SYNE3: variants seen among roughly 807,000 people sequenced by gnomAD.
The protein encoded by SYNE3 is spectrin repeat containing nuclear envelope family member 3.
A neutral mutation model predicts 111.2 loss-of-function variants in SYNE3; 100 were observed. The ratio of observed to expected loss-of-function variants is 0.90; its 90% CI spans 0.77 to 1.06. The LOEUF (loss-of-function observed/expected upper bound fraction) is 1.06. Ranked by LOEUF, SYNE3 falls within the 50% of genes least tolerant of loss-of-function variation. The pLI is 0.00. For synonymous variants in SYNE3, 547 were observed against 533.9 expected, an observed-to-expected ratio of 1.02 and a Z score of -0.34; for missense variants, 1,160 against 1,240.3, an observed-to-expected ratio of 0.94 and a Z score of 0.97.
chr14:95,510,062 TG>T (rs1266661416), intron 1 of SYNE3, among the ~76,000 whole-genome samples: 1 of 152,214 alleles, frequency 6.6e-6, no homozygotes, highest in Admixed American at 6.5e-5. Flanking sequence ...CCACTGCAGC[TG>T]TGACTCCTAA....
At chr14:95,510,092 C>T (rs1332173799) in intron 1 of SYNE3, among the ~76,000 whole-genome samples, 1 of 152,202 alleles carries the variant, frequency 6.6e-6, no homozygotes, top group Non-Finnish European at 1.5e-5. Context: ...CCAGCGCCCA[C>T]ACACAATCTC....
At chr14:95,449,488 G>C in intron 8 of SYNE3, 1 of 985,478 alleles carries the variant, frequency 1.0e-6, no homozygotes, top group Non-Finnish European at 1.2e-6. Context: ...CATGAGGCGA[G>C]ACCTGGCTTA....
chr14:95,512,250 G>C (rs1890747327), intron 1 of SYNE3, among the ~76,000 whole-genome samples: 1 of 152,126 alleles, frequency 6.6e-6, no homozygotes, highest in East Asian at 1.9e-4. Flanking sequence ...ATTGGAATCT[G>C]AGGAGAGAGG....
At chr14:95,459,121 G>A (rs1327229015) in intron 4 of SYNE3, among the ~76,000 whole-genome samples, 1 of 152,330 alleles carries the variant, frequency 6.6e-6, no homozygotes, top group East Asian at 1.9e-4. Flanking sequence ...CCGCCAGCAT[G>A]CAACTTATGT....
At chr14:95,503,833 T>A (rs2139603576) in intron 1 of SYNE3, among the ~76,000 whole-genome samples, 1 of 152,176 alleles carries the variant, frequency 6.6e-6, no homozygotes, top group African/African-American at 2.4e-5. Flanking sequence ...TTGCCCATGC[T>A]GGTCTCAAAT....
chr14:95,456,568 C>T (rs116808746), intron 5 of SYNE3, among the ~76,000 whole-genome samples: 15 of 152,156 alleles, frequency 9.9e-5, no homozygotes, highest in Admixed American at 3.3e-4. Context: ...TTCCTCAGGG[C>T]GAGGAGTCTC....
chr14:95,433,642 C>T (rs114458450), intron 15 of SYNE3, among the ~76,000 whole-genome samples: 1 of 152,218 alleles, frequency 6.6e-6, no homozygotes, highest in African/African-American at 2.4e-5. Flanking sequence ...GGGCTGCAGA[C>T]CTCCAGTGGT....
At chr14:95,453,429 G>T (rs1002390627) in intron 6 of SYNE3, among the ~76,000 whole-genome samples, 1 of 152,180 alleles carries the variant, frequency 6.6e-6, no homozygotes, top group African/African-American at 2.4e-5. Flanking sequence ...AAGGGAGAAA[G>T]CACAAATAGA....
In SYNE3 at chr14:95,500,181, G is replaced by A. The variant is rs1890282246; in HGVS notation, c.-15+16415C>T. Among the ~76,000 whole-genome samples, 1 of 152,094 alleles carries A rather than the reference G, an allele frequency of 6.6e-6. No homozygotes were observed. Among genetic ancestry groups the A allele is most frequent in the Non-Finnish European group, 1.5e-5 (1 of 68,008 alleles). ...GGCCTACCTCCTGTCTTATATCTGA[G>A]ATATCCAGAGGACCCTTGAGACCTT... is the stretch of plus-strand genomic sequence containing the variant. On this transcript the variant is annotated intron_variant, in intron 1 of 17. Coordinates refer to ENST00000682763, the MANE Select transcript of SYNE3 (RefSeq NM_152592.6). This position sits in a 1 kb window ranked among gnomAD's most constrained non-coding sequence, Gnocchi z 4.7.
At chr14:95,507,031 T>C (rs972147525) in intron 1 of SYNE3, among the ~76,000 whole-genome samples, 13 of 152,160 alleles carry the variant, frequency 8.5e-5, no homozygotes, top group Admixed American at 3.9e-4. Context: ...CATGGGGTGG[T>C]CCGCAGTTCA....
At chr14:95,507,772 C>A (rs1890580298) in intron 1 of SYNE3, among the ~76,000 whole-genome samples, 1 of 152,264 alleles carries the variant, frequency 6.6e-6, no homozygotes, top group African/African-American at 2.4e-5. Context: ...AACTGGCTCA[C>A]ACCCAACCCT....
At position 95,420,334 on chromosome 14, in the gene SYNE3, G is replaced by A. The variant is rs73339133; in HGVS notation, c.2728-2308C>T. 7.0e-3 allele frequency among the ~76,000 whole-genome samples: 1,069 copies of A among 152,202 alleles called. 12 individuals are homozygous for A. Among genetic ancestry groups the A allele is most frequent in the African/African-American group, 0.025 (1,024 of 41,506 alleles). ...AGACCCACCCAGGGAGAGAGAAAAGGGGCAAGACAATGAGCTGGAGGGCCA... is the reference window on the plus strand; with the variant it reads ...AGACCCACCCAGGGAGAGAGAAAAGAGGCAAGACAATGAGCTGGAGGGCCA... On this transcript the variant is annotated intron_variant, in intron 17 of 17. Coordinates refer to ENST00000682763, the MANE Select transcript of SYNE3 (RefSeq NM_152592.6).
At chr14:95,422,739 G>A (rs146339934) in intron 17 of SYNE3, among the ~76,000 whole-genome samples, 2 of 152,344 alleles carry the variant, frequency 1.3e-5, no homozygotes, top group Non-Finnish European at 2.9e-5. Flanking sequence ...CTGGCATGGA[G>A]GGTGCGCCCG....
At chr14:95,441,057 T>C (rs146848156) in intron 11 of SYNE3, among the ~76,000 whole-genome samples, 19 of 152,288 alleles carry the variant, frequency 1.2e-4, no homozygotes, top group African/African-American at 4.1e-4. Context: ...CTGAGACCCT[T>C]GGAGCTTTCT....
At chr14:95,475,893 A>C (rs1595238438) in intron 1 of SYNE3, 58 bp from the exon 2 acceptor site, 4 of 1,343,742 alleles carry the variant, frequency 3.0e-6, no homozygotes, top group Admixed American at 3.4e-5. Flanking sequence ...CTGCAAAAAG[A>C]CCCCCGGCAG....
chr14:95,504,757 G>A (rs1191902805), intron 1 of SYNE3, among the ~76,000 whole-genome samples: 1 of 152,116 alleles, frequency 6.6e-6, no homozygotes, highest in Non-Finnish European at 1.5e-5. Context: ...AAGGAGGGAG[G>A]ATCACTTGAG....
At chr14:95,437,183 TTCTGGTCCCCTG>T (rs1886135241) in intron 14 of SYNE3, among the ~76,000 whole-genome samples, 1 of 152,216 alleles carries the variant, frequency 6.6e-6, no homozygotes, top group African/African-American at 2.4e-5. Context: ...ACTGTCCCCT[TTCTGGTCCCCTG>T]AGAGGTGACG....
intron 1 of SYNE3, among the ~76,000 whole-genome samples, chr14:95,480,857 C>T (rs958955012): frequency 5.3e-5 from 8 of 152,242 alleles, no homozygotes; most frequent in Admixed American, 1.3e-4. Flanking sequence ...AAAGCCACCC[C>T]GTTTGGGCCT....
chr14:95,458,942 C>T (rs756568756), intron 4 of SYNE3, among the ~76,000 whole-genome samples: 1 of 152,358 alleles, frequency 6.6e-6, no homozygotes, highest in South Asian at 2.1e-4. Context: ...AATCACAAAA[C>T]CCTCCTATTC....
Sources: allele counts gnomAD v4.1 joint callset (sites outside exome capture counted in the v4.1 genomes callset), GRCh38; gene constraint gnomAD v4.1.1; non-coding constraint Gnocchi (gnomAD v3.1); transcripts MANE v1.5; gene names NCBI Gene and HGNC (gene_info 2026-07-23, HGNC 2026-07-21).